The following MAD1L1 variants were observed in gnomAD, a reference collection of about 807,000 sequenced individuals.
The protein encoded by MAD1L1 is mitotic arrest deficient 1 like 1.
In MAD1L1, 95 loss-of-function variants were observed where a neutral mutation model predicts 96.9. The observed-to-expected ratio is 0.98, with a 90% CI of 0.83 to 1.16. The LOEUF (loss-of-function observed/expected upper bound fraction) is 1.16, where lower values mean the gene tolerates loss of function less well. Ranked by LOEUF, MAD1L1 falls within the 50% of genes most tolerant of loss-of-function variation. The pLI, the probability that MAD1L1 is intolerant of heterozygous loss-of-function variation, is 0.00. For missense variants in MAD1L1, 1,007 were observed against 954.4 expected (o/e 1.06, Z -0.73); for synonymous variants, 473 against 396.6 (o/e 1.19, Z -2.29).
At chr7:1,879,504 G>A (rs1416210533) in intron 18 of MAD1L1, among the ~76,000 whole-genome samples, 3 of 150,952 alleles carry the variant, frequency 2.0e-5, no homozygotes, top group Non-Finnish European at 4.4e-5. Context: ...TTGATCTACA[G>A]ATTGAATGTA....
chr7:1,820,864 G>C lies in MAD1L1; in HGVS notation c.1999-4636C>G, dbSNP rs1782084996. 2.0e-5 allele frequency among the ~76,000 whole-genome samples: 3 copies of C among 151,984 alleles called. 1 individual carries two copies. Among genetic ancestry groups the C allele is most frequent in the Non-Finnish European group, 4.4e-5 (3 of 67,974 alleles). On this transcript the variant is annotated intron_variant, in intron 18 of 18. Transcript: ENST00000265854. ...TGGGAGGCCGAGGTGGGCGGATCACGAGGTCAGGAGATCAAGACCATCCTG... is the reference window on the plus strand; with the variant it reads ...TGGGAGGCCGAGGTGGGCGGATCACCAGGTCAGGAGATCAAGACCATCCTG...
chr7:1,901,518 C>T (rs1787242128), intron 17 of MAD1L1, among the ~76,000 whole-genome samples: 1 of 152,192 alleles, frequency 6.6e-6, no homozygotes, highest in Non-Finnish European at 1.5e-5. Flanking sequence ...TTCTCAGGCC[C>T]GACCTGCAAC....
At chr7:1,878,891 T>A (rs1785527914) in intron 18 of MAD1L1, among the ~76,000 whole-genome samples, 1 of 152,102 alleles carries the variant, frequency 6.6e-6, no homozygotes, top group Non-Finnish European at 1.5e-5. Flanking sequence ...CTGAAGAAAC[T>A]ACAAAAACTT....
At chr7:2,102,642 C>T (rs906366804) in intron 11 of MAD1L1, among the ~76,000 whole-genome samples, 2 of 151,962 alleles carry the variant, frequency 1.3e-5, no homozygotes, top group African/African-American at 4.8e-5. Context: ...ACCATCATCG[C>T]CACTGTCACT....
chr7:1,897,829 C>T (rs1309280344), intron 18 of MAD1L1, among the ~76,000 whole-genome samples: 1 of 152,236 alleles, frequency 6.6e-6, no homozygotes, highest in Non-Finnish European at 1.5e-5. Flanking sequence ...TCCCCTGCCC[C>T]GGCCCCACAC....
intron 11 of MAD1L1, among the ~76,000 whole-genome samples, chr7:2,145,914 A>G (rs1201153504): frequency 1.3e-5 from 2 of 152,172 alleles, no homozygotes; most frequent in Non-Finnish European, 2.9e-5. Context: ...GGCTTCACGG[A>G]CGTGGACATG....
At chr7:1,817,007 C>T (rs886752101) in intron 18 of MAD1L1, 2 of 152,338 alleles carry the variant, frequency 1.3e-5, no homozygotes, top group African/African-American at 4.8e-5. Flanking sequence ...CCCAGAACTC[C>T]CACAACTCCA....
At chr7:2,073,057 CTGAGCTGCTT>C (rs1785212386) in intron 11 of MAD1L1, among the ~76,000 whole-genome samples, 2 of 152,212 alleles carry the variant, frequency 1.3e-5, no homozygotes, top group Non-Finnish European at 2.9e-5. Context: ...TGGATGTGGC[CTGAGCTGCTT>C]CCCTCAGGCC....
At chr7:1,954,102 C>T (rs1779621712) in intron 16 of MAD1L1, among the ~76,000 whole-genome samples, 1 of 152,170 alleles carries the variant, frequency 6.6e-6, no homozygotes, top group Non-Finnish European at 1.5e-5. Context: ...CCTCCATCCC[C>T]GCATGTGGCC....
chr7:1,860,711 T>C (rs1784503560), intron 18 of MAD1L1, among the ~76,000 whole-genome samples: 1 of 152,136 alleles, frequency 6.6e-6, no homozygotes, highest in Non-Finnish European at 1.5e-5. Flanking sequence ...AAGGATCCCC[T>C]GGGCATCATC....
intron 17 of MAD1L1, among the ~76,000 whole-genome samples, chr7:1,902,697 C>G (rs1787322495): frequency 6.6e-6 from 1 of 152,208 alleles, no homozygotes; most frequent in Non-Finnish European, 1.5e-5. Context: ...CAGGCTCCAG[C>G]CTCGCTGTAC....
intron 6 of MAD1L1, 107 bp downstream of exon 6, chr7:2,219,225 C>A: frequency 9.4e-7 from 1 of 1,065,874 alleles, no homozygotes; most frequent in Non-Finnish European, 1.3e-6. Context: ...TGAATTAGGA[C>A]AGCATCTGGG....
At chr7:2,090,742 C>T (rs974439032) in intron 11 of MAD1L1, among the ~76,000 whole-genome samples, 3 of 152,212 alleles carry the variant, frequency 2.0e-5, no homozygotes, top group African/African-American at 7.2e-5. Context: ...GAACCACAGA[C>T]GCAGCGTCCC....
intron 3 of MAD1L1, among the ~76,000 whole-genome samples, chr7:2,226,731 T>C (rs1027127785): frequency 3.5e-4 from 54 of 152,352 alleles, no homozygotes; most frequent in African/African-American, 1.0e-3. Flanking sequence ...GGCTCACACC[T>C]GTAATCCCAG....
At chr7:2,053,588 G>C (rs1295454398) in intron 12 of MAD1L1, among the ~76,000 whole-genome samples, 1 of 152,230 alleles carries the variant, frequency 6.6e-6, no homozygotes, top group Non-Finnish European at 1.5e-5. Flanking sequence ...CGGGGAAGCA[G>C]AGGAGGCTGC....
intron 12 of MAD1L1, among the ~76,000 whole-genome samples, chr7:2,045,166 A>G (rs1473927914): frequency 6.6e-6 from 1 of 152,072 alleles, no homozygotes; most frequent in African/African-American, 2.4e-5. Flanking sequence ...CCCGGCCTCC[A>G]CACCCCTCTC....
intron 18 of MAD1L1, among the ~76,000 whole-genome samples, chr7:1,859,226 G>A (rs751434267): frequency 2.0e-5 from 3 of 152,222 alleles, no homozygotes; most frequent in Non-Finnish European, 2.9e-5. Context: ...CCACTTCCCA[G>A]AACGCTCAGG....
chr7:2,069,345 G>C lies in MAD1L1; in HGVS notation c.1074-7C>G. The C allele has an allele frequency of 6.3e-7, 1 of 1,583,574 alleles. No homozygotes were observed. Among genetic ancestry groups the C allele is most frequent in the Non-Finnish European group, 8.5e-7 (1 of 1,169,868 alleles). On this transcript the variant is annotated splice_polypyrimidine_tract_variant and splice_region_variant and intron_variant, in intron 11 of 18. Transcript: ENST00000265854. ...CTTCTCCAGCCCCCGGGCGCTGCAT[G>C]GGAGAGACAAGAGGGCAAAGCAATG...
chr7:1,819,762 AACTCTCTCCACACACC>A (rs1351210691), intron 18 of MAD1L1, among the ~76,000 whole-genome samples: 2 of 151,928 alleles, frequency 1.3e-5, no homozygotes, highest in Non-Finnish European at 2.9e-5. Context: ...GCACACCACC[AACTCTCTCCACACACC>A]ACTTTCTCCA....
Sources: gnomAD v4.1 joint callset for allele counts (sites outside exome capture counted in the v4.1 genomes callset) on GRCh38, gnomAD v4.1.1 for gene constraint, MANE v1.5 for transcripts, NCBI Gene and HGNC (gene_info 2026-07-23, HGNC 2026-07-21) for gene names.